LRRC3B: variants seen among roughly 807,000 people sequenced by gnomAD.
LRRC3B encodes leucine rich repeat containing 3B.
A neutral mutation model predicts 12.8 loss-of-function variants in LRRC3B; 2 were observed. The ratio of observed to expected loss-of-function variants is 0.16; its 90% CI spans 0.06 to 0.49. The LOEUF (loss-of-function observed/expected upper bound fraction) is 0.49, where lower values mean the gene tolerates loss of function less well. Ranked by LOEUF, LRRC3B falls within the 20% of genes least tolerant of loss-of-function variation. The pLI, the probability that LRRC3B is intolerant of heterozygous loss-of-function variation, is 0.96. For missense variants in LRRC3B, 189 were observed against 319.4 expected (o/e 0.59, Z 3.11); for synonymous variants, 132 against 122.0 (o/e 1.08, Z -0.54).
At chr3:26,623,719 A>T (rs906574310) in intron 1 of LRRC3B, 2 of 152,334 alleles carry the variant, frequency 1.3e-5, no homozygotes, top group African/African-American at 4.8e-5. Flanking sequence ...GAGGTGGGAC[A>T]TGGAGGATGG....
chr3:26,684,680 C>G (rs1177522439), intron 1 of LRRC3B, among the ~76,000 whole-genome samples: 1 of 152,168 alleles, frequency 6.6e-6, no homozygotes, highest in African/African-American at 2.4e-5. Flanking sequence ...ATTAATCCAC[C>G]CAGGAGGGCA....
intron 1 of LRRC3B, chr3:26,694,418 A>G (rs1308506096): frequency 6.6e-6 from 1 of 152,140 alleles, no homozygotes; most frequent in East Asian, 1.9e-4. Context: ...TTATGACTTC[A>G]TAATATTCAT....
intron 1 of LRRC3B, among the ~76,000 whole-genome samples, chr3:26,669,446 A>G (rs1288440412): frequency 6.6e-6 from 1 of 152,196 alleles, no homozygotes; most frequent in Non-Finnish European, 1.5e-5. Context: ...TAAATGAAAG[A>G]TTTAATTCTT....
chr3:26,671,584 G>A (rs1336203385), intron 1 of LRRC3B, among the ~76,000 whole-genome samples: 2 of 150,836 alleles, frequency 1.3e-5, no homozygotes, highest in East Asian at 2.0e-4. Flanking sequence ...TAGTAGAGAC[G>A]GGGTTTCGTC....
chr3:26,697,704 C>A (rs1417496121), intron 1 of LRRC3B, among the ~76,000 whole-genome samples: 1 of 152,160 alleles, frequency 6.6e-6, no homozygotes, highest in Non-Finnish European at 1.5e-5. Flanking sequence ...AGCATCAACT[C>A]AGAGTACAAA....
intron 1 of LRRC3B, among the ~76,000 whole-genome samples, chr3:26,647,737 GA>G (rs945281363): frequency 6.6e-6 from 1 of 152,038 alleles, no homozygotes; most frequent in East Asian, 1.9e-4. Context: ...TGAAGCAAGA[GA>G]AAAAAAGTCT....
At chr3:26,695,552 T>G (rs1413312880) in intron 1 of LRRC3B, among the ~76,000 whole-genome samples, 1 of 132,444 alleles carries the variant, frequency 7.6e-6, no homozygotes, top group African/African-American at 3.3e-5. Flanking sequence ...CAAAAAAACT[T>G]CTTGATTTTT....
chr3:26,690,740 TCTAA>T (rs1395239542), intron 1 of LRRC3B, among the ~76,000 whole-genome samples: 1 of 151,966 alleles, frequency 6.6e-6, no homozygotes, highest in East Asian at 1.9e-4. Flanking sequence ...AAAATCTATA[TCTAA>T]CTGAGAAGAT....
exon 2 of LRRC3B, chr3:26,710,465 C>G: frequency 6.5e-7 from 1 of 1,546,836 alleles, no homozygotes; most frequent in South Asian, 1.2e-5. Context: ...TCCAAACTGA[C>G]TGTCATTGAG....
At chr3:26,655,351 C>T (rs142022983) in intron 1 of LRRC3B, among the ~76,000 whole-genome samples, 11 of 152,268 alleles carry the variant, frequency 7.2e-5, no homozygotes, top group African/African-American at 9.6e-5. Context: ...TTCTCTCTTA[C>T]GCTCTGAAGC....
chr3:26,681,989 T>C (rs988439685), intron 1 of LRRC3B, among the ~76,000 whole-genome samples: 8 of 151,934 alleles, frequency 5.3e-5, no homozygotes, highest in Non-Finnish European at 7.4e-5. Context: ...ATTTATAAAT[T>C]AGACACAATA....
chr3:26,646,368 C>A (rs1408312006), intron 1 of LRRC3B, among the ~76,000 whole-genome samples: 2 of 152,096 alleles, frequency 1.3e-5, no homozygotes, highest in Non-Finnish European at 2.9e-5. Flanking sequence ...TTCAAACTTG[C>A]TTGAAGGAGA....
chr3:26,647,465 C>G (rs902675639), intron 1 of LRRC3B, among the ~76,000 whole-genome samples: 1 of 152,082 alleles, frequency 6.6e-6, no homozygotes, highest in Non-Finnish European at 1.5e-5. Flanking sequence ...AGCAGAACAG[C>G]CTTGAAGGGC....
intron 1 of LRRC3B, chr3:26,624,792 G>C (rs977678340): frequency 5.2e-5 from 8 of 152,444 alleles, no homozygotes; most frequent in Non-Finnish European, 7.3e-5. Context: ...TGTGGCTCCA[G>C]ATGCTCTGGC....
At chr3:26,629,039 G>A (rs1698693698) in intron 1 of LRRC3B, among the ~76,000 whole-genome samples, 1 of 152,114 alleles carries the variant, frequency 6.6e-6, no homozygotes, top group Non-Finnish European at 1.5e-5. Context: ...TGCTTTAGGT[G>A]CCTTTTATTA....
chr3:26,684,160 G>T (rs1700026921), intron 1 of LRRC3B, among the ~76,000 whole-genome samples: 1 of 152,178 alleles, frequency 6.6e-6, no homozygotes. Context: ...ACAAAGTTGG[G>T]AAAGTTCCAG....
chr3:26,676,071 G>GT (rs1296906844), intron 1 of LRRC3B, among the ~76,000 whole-genome samples: 2 of 150,096 alleles, frequency 1.3e-5, no homozygotes, highest in South Asian at 2.1e-4. Context: ...ATTTGGGCCT[G>GT]TTTTTTCTTT....
chr3:26,675,914 G>A (rs191892809), intron 1 of LRRC3B, among the ~76,000 whole-genome samples: 3 of 150,656 alleles, frequency 2.0e-5, no homozygotes, highest in Admixed American at 2.0e-4. Flanking sequence ...TAAAATGTGG[G>A]AATCTGACAT....
intron 1 of LRRC3B, among the ~76,000 whole-genome samples, chr3:26,669,466 A>T (rs775782324): frequency 6.6e-6 from 1 of 152,204 alleles, no homozygotes; most frequent in Non-Finnish European, 1.5e-5. Flanking sequence ...TCAAGCAAAA[A>T]TATTGTCTAA....
Sources: gnomAD v4.1 joint callset for allele counts (sites outside exome capture counted in the v4.1 genomes callset) on GRCh38, gnomAD v4.1.1 for gene constraint, MANE v1.5 for transcripts, NCBI Gene and HGNC (gene_info 2026-07-23, HGNC 2026-07-21) for gene names.